The following KLHL13 variants were observed in gnomAD, a reference collection of about 807,000 sequenced individuals.
The protein encoded by KLHL13 is kelch-like protein 13.
Under a neutral mutation model 37.1 loss-of-function variants are expected in KLHL13, and 10 were observed. The ratio of observed to expected loss-of-function variants is 0.27; its 90% CI spans 0.17 to 0.46. KLHL13 has a LOEUF of 0.46. KLHL13 is among the 20% of genes least tolerant of loss of function. The pLI is 1.00. For synonymous variants in KLHL13, 163 were observed against 181.2 expected, an observed-to-expected ratio of 0.90 and a Z score of 0.81; for missense variants, 360 against 509.3, an observed-to-expected ratio of 0.71 and a Z score of 2.82.
At chrX:117,919,261 C>T (rs191521531) in intron 4 of KLHL13, among the ~76,000 whole-genome samples, 1 of 112,108 alleles carries the variant, frequency 8.9e-6, no homozygotes, top group African/African-American at 3.2e-5. Context: ...CAACCTTAGA[C>T]GATCTGCCCG....
chrX:117,906,357 A>G (rs886697999), intron 5 of KLHL13, among the ~76,000 whole-genome samples: 2 of 111,814 alleles, frequency 1.8e-5, no homozygotes, highest in Non-Finnish European at 3.8e-5. Flanking sequence ...TATAAAGAGA[A>G]ACACGATCAT....
chrX:117,959,807 A>T (rs1010008156), intron 1 of KLHL13, among the ~76,000 whole-genome samples: 3 of 111,886 alleles, frequency 2.7e-5, no homozygotes, highest in Non-Finnish European at 1.9e-5. Flanking sequence ...ACCAGAAAAA[A>T]AAGTGAAAAT....
At position 117,899,103 on chromosome X, in the gene KLHL13, C is replaced by T. The variant is rs143128598; in HGVS notation, c.1773G>A (p.Val591=). 139 of 1,209,890 alleles carry T rather than the reference C, an allele frequency of 1.1e-4. No homozygotes were observed. The African/African-American group carries it at 2.3e-3, about 20-fold the overall frequency. ...GATTATTCCAAGAATACCCCCCAAC[C>T]ACATAGATTTTATTTTCGAAGACAG... is the stretch of plus-strand genomic sequence containing the variant. The change falls in exon 7 of 7, where the codon GTG becomes GTA. Residue 591 remains valine, a synonymous_variant. Transcript: ENST00000262820.
chrX:117,938,053 T>C (rs1192442483), intron 2 of KLHL13, among the ~76,000 whole-genome samples: 1 of 112,287 alleles, frequency 8.9e-6, no homozygotes, highest in Non-Finnish European at 1.9e-5. Context: ...TAGCATAATG[T>C]TTTCAAAGTT....
upstream of KLHL13, among the ~76,000 whole-genome samples, chrX:117,977,925 A>C (rs1482366618): frequency 4.5e-5 from 5 of 112,124 alleles, no homozygotes; most frequent in Admixed American, 1.9e-4. Flanking sequence ...TATCTCTTAA[A>C]CACATATATG....
intron 1 of KLHL13, among the ~76,000 whole-genome samples, chrX:118,106,486 T>C (rs929437936): frequency 2.7e-5 from 3 of 112,071 alleles, no homozygotes; most frequent in Non-Finnish European, 5.6e-5. Context: ...CATCAAATGA[T>C]ACTGAGAATG....
chrX:118,019,223 CCT>C (rs2054167141), intron 1 of KLHL13, among the ~76,000 whole-genome samples: 3 of 111,424 alleles, frequency 2.7e-5, no homozygotes, highest in African/African-American at 9.7e-5. Flanking sequence ...CACTCCTGCC[CCT>C]GTGTTTCTAT....
chrX:117,938,004 C>T (rs1932858589), intron 2 of KLHL13, among the ~76,000 whole-genome samples: 1 of 111,967 alleles, frequency 8.9e-6, no homozygotes, highest in Non-Finnish European at 1.9e-5. Context: ...AACATGAAAT[C>T]ACATAAAACA....
At chrX:118,075,818 G>A (rs1246585454) in intron 1 of KLHL13, among the ~76,000 whole-genome samples, 1 of 111,885 alleles carries the variant, frequency 8.9e-6, no homozygotes, top group African/African-American at 3.2e-5. Flanking sequence ...ATTATCAGGA[G>A]ATATTCTAAC....
intron 1 of KLHL13, among the ~76,000 whole-genome samples, chrX:118,031,513 A>ATATT (rs2054342299): frequency 1.3e-5 from 1 of 77,104 alleles, no homozygotes; most frequent in African/African-American, 6.4e-5. Context: ...ATATATACAC[A>ATATT]CACATATATA....
rs772526620 is a variant in KLHL13, at chrX:118,097,593, T to A, written c.-56+18915A>T. On this transcript the variant is annotated intron_variant, in intron 1 of 6. Transcript: ENST00000371882. ...GGAAAAAACTACTTTAAAGTTCATA[T>A]GGAACCAAAAAAGAGCCCGCATTGC... is the stretch of plus-strand genomic sequence containing the variant. 1.9e-3 allele frequency among the ~76,000 whole-genome samples: 210 copies of A among 111,698 alleles called. 1 individual carries two copies. The highest frequency in any genetic ancestry group is 6.4e-3 in the African/African-American group (198 of 30,708).
chrX:117,981,685 T>C (rs912672724), intron 1 of KLHL13, among the ~76,000 whole-genome samples: 2 of 111,589 alleles, frequency 1.8e-5, no homozygotes, highest in African/African-American at 6.5e-5. Context: ...TAAATTTCTA[T>C]GATACTGTTC....
chrX:118,019,705 A>C (rs932168668), intron 1 of KLHL13, among the ~76,000 whole-genome samples: 2 of 110,177 alleles, frequency 1.8e-5, no homozygotes, highest in Non-Finnish European at 3.8e-5. Flanking sequence ...TCAGCTTTCT[A>C]CATATGGCTA....
Position 118,101,600 on chromosome X carries a change from T to C in KLHL13, c.-56+14908A>G, listed in dbSNP as rs143887091. 2.4e-4 allele frequency among the ~76,000 whole-genome samples: 27 copies of C among 111,330 alleles called. No individual in the cohort carries two copies. In the East Asian group the frequency reaches 7.4e-3, roughly 30 times the overall value. On this transcript the variant is annotated intron_variant, in intron 1 of 6. Transcript: ENST00000371882. ...AAACTGAAACCTCAAGGACAAAAAGTAGGCAGCAGTTTAGGATGAGTAGTG... is the reference window on the plus strand; with the variant it reads ...AAACTGAAACCTCAAGGACAAAAAGCAGGCAGCAGTTTAGGATGAGTAGTG...
intron 1 of KLHL13, among the ~76,000 whole-genome samples, chrX:117,967,663 G>C (rs1438115641): frequency 2.7e-5 from 3 of 112,116 alleles, no homozygotes; most frequent in Non-Finnish European, 5.6e-5. Context: ...ATCTGAAAGT[G>C]ACAGGAACAC....
chrX:118,045,116 G>A (rs1294045748), intron 1 of KLHL13, among the ~76,000 whole-genome samples: 1 of 111,544 alleles, frequency 9.0e-6, no homozygotes, highest in Non-Finnish European at 1.9e-5. Flanking sequence ...GCTCATGCCT[G>A]TAATCCCAGC....
chrX:118,084,885 C>T (rs1021126255), intron 1 of KLHL13, among the ~76,000 whole-genome samples: 2 of 109,829 alleles, frequency 1.8e-5, no homozygotes, highest in African/African-American at 6.6e-5. Context: ...ATTAGCCAGG[C>T]GTGGTGGCAT....
exon 1 of KLHL13, chrX:117,973,035 T>C: frequency 9.5e-7 from 1 of 1,048,479 alleles, no homozygotes; most frequent in Non-Finnish European, 1.2e-6. Context: ...CCTAAAGCAA[T>C]ATGATGATTC....
chrX:118,000,836 G>T (rs2053912532), intron 1 of KLHL13, among the ~76,000 whole-genome samples: 1 of 111,232 alleles, frequency 9.0e-6, no homozygotes, highest in African/African-American at 3.3e-5. Flanking sequence ...TGATTATGGG[G>T]TGTCACCTCA....
Sources: allele counts gnomAD v4.1 joint callset (sites outside exome capture counted in the v4.1 genomes callset), GRCh38; gene constraint gnomAD v4.1.1; transcripts MANE v1.5; gene names NCBI Gene and HGNC (gene_info 2026-07-23, HGNC 2026-07-21).